The following CACNB2 variants were observed in gnomAD, a reference collection of about 807,000 sequenced individuals.
CACNB2 encodes voltage-dependent L-type calcium channel subunit beta-2.
A neutral mutation model predicts 73.3 loss-of-function variants in CACNB2; 42 were observed. That is an observed-to-expected ratio of 0.57 (90% CI 0.45 to 0.74). CACNB2 has a LOEUF of 0.74. Ranked by LOEUF, CACNB2 falls within the 30% of genes least tolerant of loss-of-function variation. CACNB2 has a pLI of 0.00. For missense variants in CACNB2, 940 were observed against 853.0 expected, an observed-to-expected ratio of 1.10 and a Z score of -1.27; for synonymous variants, 348 against 310.3, an observed-to-expected ratio of 1.12 and a Z score of -1.28.
intron 2 of CACNB2, among the ~76,000 whole-genome samples, chr10:18,333,796 A>G (rs1472883214): frequency 6.6e-6 from 1 of 152,156 alleles, no homozygotes; most frequent in African/African-American, 2.4e-5. Flanking sequence ...ACAATCCTCT[A>G]TGGTTGGATA....
intron 2 of CACNB2, among the ~76,000 whole-genome samples, chr10:18,284,833 C>CA (rs1026920529): frequency 1.3e-5 from 2 of 151,996 alleles, no homozygotes; most frequent in African/African-American, 4.8e-5. Flanking sequence ...TTCTTGTCTA[C>CA]AAAAAAAGAC....
rs2052614737 is a variant in CACNB2 at position 18,527,682 on chromosome 10, A to G, written c.1039A>G (p.Thr347Ala). The change falls in exon 10 of 14, where the codon ACA (threonine) becomes GCA (alanine). Residue 347 changes from threonine (T) to alanine (A), a missense_variant. Physicochemically the swap from Thr to Ala is moderately conservative, Grantham distance 58. Coordinates refer to ENST00000324631, the MANE Select transcript of CACNB2 (RefSeq NM_201596.3). ...GCACGCAATAATAGAAAGATCCAACACAAGGTCAAGCTTAGGTAAGTCTGT... is the reference window on the plus strand; with the variant it reads ...GCACGCAATAATAGAAAGATCCAACGCAAGGTCAAGCTTAGGTAAGTCTGT... Reference protein sequence around the residue: ...SKHAIIERSNTRSSLAEVQSE... With the variant: ...SKHAIIERSNARSSLAEVQSE... 2 of 1,611,338 alleles carry G rather than the reference A, an allele frequency of 1.2e-6. No individual in the cohort carries two copies. Among genetic ancestry groups the G allele is most frequent in the Non-Finnish European group, 1.7e-6 (2 of 1,177,732 alleles).
chr10:18,145,071 A>G (rs540498789), intron 1 of CACNB2, among the ~76,000 whole-genome samples: 4 of 152,290 alleles, frequency 2.6e-5, no homozygotes, highest in Admixed American at 6.5e-5. Flanking sequence ...CTGAAACTGA[A>G]CAGACAGTAA....
At chr10:18,465,204 C>T (rs141399798) in intron 3 of CACNB2, among the ~76,000 whole-genome samples, 2 of 152,284 alleles carry the variant, frequency 1.3e-5, no homozygotes, top group East Asian at 1.9e-4. Context: ...GTGATGCACA[C>T]CTGTAGTCCT....
chr10:18,229,761 A>C (rs2036154703), intron 2 of CACNB2, among the ~76,000 whole-genome samples: 1 of 152,188 alleles, frequency 6.6e-6, no homozygotes, highest in Admixed American at 6.5e-5. Context: ...ATGTTTGTCA[A>C]TGAAGTATTA....
chr10:18,520,390 T>G (rs1035857953), intron 9 of CACNB2, among the ~76,000 whole-genome samples: 2 of 152,176 alleles, frequency 1.3e-5, no homozygotes, highest in Non-Finnish European at 2.9e-5. Flanking sequence ...ATCGAAGCCC[T>G]TCTCACACAT....
intron 2 of CACNB2, among the ~76,000 whole-genome samples, chr10:18,359,137 T>C (rs933658156): frequency 6.6e-6 from 1 of 152,136 alleles, no homozygotes; most frequent in Non-Finnish European, 1.5e-5. Context: ...TTCTACGTTA[T>C]TTAGGGACCT....
chr10:18,375,596 A>G (rs984205878), intron 2 of CACNB2, among the ~76,000 whole-genome samples: 2 of 152,214 alleles, frequency 1.3e-5, no homozygotes, highest in Non-Finnish European at 2.9e-5. Context: ...ACTTCTAGCA[A>G]GCAATTGAAA....
intron 3 of CACNB2, among the ~76,000 whole-genome samples, chr10:18,461,385 CT>C (rs1170166589): frequency 6.6e-6 from 1 of 152,140 alleles, no homozygotes; most frequent in Non-Finnish European, 1.5e-5. Flanking sequence ...AAGGCTTTAA[CT>C]TTCTTGTTTG....
At chr10:18,478,463 ACTTG>A in intron 3 of CACNB2, among the ~76,000 whole-genome samples, 1 of 152,210 alleles carries the variant, frequency 6.6e-6, no homozygotes, top group Non-Finnish European at 1.5e-5. Flanking sequence ...TGGTGTCACC[ACTTG>A]ATGTTGAGTG....
chr10:18,367,117 T>G (rs991197486), intron 2 of CACNB2, among the ~76,000 whole-genome samples: 4 of 152,230 alleles, frequency 2.6e-5, no homozygotes, highest in African/African-American at 9.6e-5. Context: ...ACATCTGACA[T>G]TTTTCATCAT....
chr10:18,358,094 T>C (rs1158035946), intron 2 of CACNB2, among the ~76,000 whole-genome samples: 1 of 152,106 alleles, frequency 6.6e-6, no homozygotes, highest in African/African-American at 2.4e-5. Context: ...ATTCAATTGA[T>C]TGATTAACTG....
chr10:18,204,186 T>C (rs576281299), intron 2 of CACNB2, among the ~76,000 whole-genome samples: 60 of 152,364 alleles, frequency 3.9e-4, no homozygotes, highest in Non-Finnish European at 7.2e-4. Context: ...ATAGTTGCTA[T>C]AGAAACCAAA....
chr10:18,463,042 C>G (rs371451195), intron 3 of CACNB2, among the ~76,000 whole-genome samples: 11 of 152,304 alleles, frequency 7.2e-5, no homozygotes, highest in African/African-American at 2.6e-4. Flanking sequence ...CAGGCAAGAG[C>G]CACCGCACCC....
At chr10:18,456,643 T>G (rs1201400171) in intron 3 of CACNB2, among the ~76,000 whole-genome samples, 1 of 152,118 alleles carries the variant, frequency 6.6e-6, no homozygotes, top group African/African-American at 2.4e-5. Context: ...AGATCCAAAC[T>G]GTATCACTTT....
At chr10:18,348,873 C>A (rs1004811674) in intron 2 of CACNB2, among the ~76,000 whole-genome samples, 2 of 152,126 alleles carry the variant, frequency 1.3e-5, no homozygotes, top group South Asian at 4.2e-4. Context: ...AATCCTAGCA[C>A]TTTAGGAGGC....
chr10:18,362,369 G>A (rs889327063), intron 2 of CACNB2, among the ~76,000 whole-genome samples: 1 of 152,128 alleles, frequency 6.6e-6, no homozygotes, highest in African/African-American at 2.4e-5. Context: ...TTTGTTAGGA[G>A]CAATAGATAT....
rs527787861 is a variant in CACNB2, at chr10:18,281,201, C to T, written c.214-120723C>T. 1.2e-4 allele frequency among the ~76,000 whole-genome samples: 18 copies of T among 152,232 alleles called. 1 individual carries two copies. The South Asian group carries it at 2.7e-3, about 23-fold the overall frequency. On this transcript the variant is annotated intron_variant, in intron 2 of 13. Coordinates refer to ENST00000324631, the MANE Select transcript of CACNB2 (RefSeq NM_201596.3). ...TGGACAATTGGAGATTAGGATAAAGCGTGCCTCAAGCAGAGAAAATTGCCC... is the reference window on the plus strand; with the variant it reads ...TGGACAATTGGAGATTAGGATAAAGTGTGCCTCAAGCAGAGAAAATTGCCC...
chr10:18,340,791 C>T (rs1050966534), intron 2 of CACNB2: 135 of 1,589,530 alleles, frequency 8.5e-5, no homozygotes, highest in Non-Finnish European at 1.1e-4. Flanking sequence ...ACACCCCAAG[C>T]CAGCAAGAAA....
Sources: gnomAD v4.1 joint callset for allele counts (sites outside exome capture counted in the v4.1 genomes callset) on GRCh38, gnomAD v4.1.1 for gene constraint, MANE v1.5 for transcripts, NCBI Gene and HGNC (gene_info 2026-07-23, HGNC 2026-07-21) for gene names.